The following TOPAZ1 variants were observed in gnomAD, a reference collection of about 807,000 sequenced individuals.
TOPAZ1 encodes testis and ovary specific TOPAZ 1, also known as protein TOPAZ1.
TOPAZ1 carries 66 observed loss-of-function variants against 172.2 expected under a neutral mutation model. That is an observed-to-expected ratio of 0.38 (90% CI 0.31 to 0.47). TOPAZ1 has a LOEUF of 0.47. Among genes scored for constraint, TOPAZ1 ranks in the 20% least tolerant of loss-of-function variants. The probability of loss-of-function intolerance (pLI) is 0.99; values close to 1 mark genes in which losing one functional copy is unlikely to be tolerated. For synonymous variants in TOPAZ1, 681 were observed against 683.9 expected (o/e 1.00, Z 0.07); for missense variants, 1,822 against 1,972.4 (o/e 0.92, Z 1.44).
intron 4 of TOPAZ1, among the ~76,000 whole-genome samples, chr3:44,260,979 T>C (rs1036438972): frequency 6.3e-5 from 8 of 126,232 alleles, no homozygotes; most frequent in Non-Finnish European, 7.0e-5. Context: ...CTGTTTCTTT[T>C]TTTTTGTTTC....
intron 2 of TOPAZ1, among the ~76,000 whole-genome samples, chr3:44,246,260 G>C (rs1699565572): frequency 7.6e-6 from 1 of 131,868 alleles, no homozygotes; most frequent in Non-Finnish European, 1.7e-5. Flanking sequence ...TATTCTGTTT[G>C]GCCCCAAATT....
intron 16 of TOPAZ1, among the ~76,000 whole-genome samples, chr3:44,319,253 C>G (rs1011073291): frequency 2.6e-5 from 4 of 152,070 alleles, no homozygotes; most frequent in Non-Finnish European, 4.4e-5. Context: ...AAACAAAAAC[C>G]CAGACAGGGA....
chr3:44,305,642 T>A (rs1205396411), intron 14 of TOPAZ1, among the ~76,000 whole-genome samples: 1 of 152,008 alleles, frequency 6.6e-6, no homozygotes, highest in African/African-American at 2.4e-5. Flanking sequence ...AGCACTGGTA[T>A]TACAGACATA....
intron 12 of TOPAZ1, among the ~76,000 whole-genome samples, chr3:44,302,503 G>T (rs1375512498): frequency 1.3e-5 from 2 of 152,158 alleles, no homozygotes; most frequent in Non-Finnish European, 2.9e-5. Flanking sequence ...ATACAATGGG[G>T]TCTGTTTCTT....
chr3:44,330,626 C>T (rs1038902208), intron 19 of TOPAZ1, among the ~76,000 whole-genome samples: 2 of 152,136 alleles, frequency 1.3e-5, no homozygotes, highest in African/African-American at 4.8e-5. Context: ...AGTGCAAGTC[C>T]TCACTCCTGT....
chr3:44,274,406 A>AAAAAGAAAAGAAAAG (rs141902868), intron 8 of TOPAZ1, among the ~76,000 whole-genome samples: 2 of 149,458 alleles, frequency 1.3e-5, no homozygotes, highest in African/African-American at 5.0e-5. Context: ...CTCTCAAAAA[A>AAAAAGAAAAGAAAAG]AAAAGAAAAG....
intron 3 of TOPAZ1, among the ~76,000 whole-genome samples, chr3:44,255,708 CACACACACACACAT>C (rs770448357): frequency 0.031 from 3,621 of 118,442 alleles, 210 homozygotes; most frequent in Admixed American, 0.066. Context: ...CACACACACA[CACACACACACACAT>C]ATATATATGG....
rs148288013 is a variant in TOPAZ1, at chr3:44,327,820, C to T, written c.4676-430C>T. Among the ~76,000 whole-genome samples, 968 of 152,212 alleles carry T rather than the reference C, an allele frequency of 6.4e-3. 4 individuals carry two copies. Among genetic ancestry groups the T allele is most frequent in the Middle Eastern group, 0.02 (6 of 294 alleles). On this transcript the variant is annotated intron_variant, in intron 18 of 19. Coordinates refer to ENST00000309765, the MANE Select transcript of TOPAZ1 (RefSeq NM_001145030.2). ...AGTACAGTGGCACAATCTCGGCTCA[C>T]TGCAGCCTCTGCCTCCCAGGTTCAA...
At chr3:44,313,328 C>CG (rs971515763) in intron 16 of TOPAZ1, among the ~76,000 whole-genome samples, 3 of 151,922 alleles carry the variant, frequency 2.0e-5, no homozygotes, top group African/African-American at 4.8e-5. Flanking sequence ...AAAGCTCCCC[C>CG]GGGCCAGGTG....
intron 12 of TOPAZ1, among the ~76,000 whole-genome samples, chr3:44,294,494 C>T (rs531652738): frequency 6.3e-4 from 96 of 152,132 alleles, no homozygotes; most frequent in Non-Finnish European, 1.2e-3. Flanking sequence ...CTGCACTAGG[C>T]AATTATTTTT....
chr3:44,246,794 A>G (rs966823359), intron 2 of TOPAZ1, among the ~76,000 whole-genome samples: 1 of 152,172 alleles, frequency 6.6e-6, no homozygotes, highest in African/African-American at 2.4e-5. Context: ...ATCTTTCTGT[A>G]AAAAGGGAAA....
In TOPAZ1 at chr3:44,243,485, G is replaced by C. The variant is rs1437701030; in HGVS notation, c.979G>C (p.Gly327Arg). The C allele has an allele frequency of 4.5e-6, 7 of 1,551,666 alleles. No homozygotes were observed. The South Asian group carries it at 7.1e-5, about 16-fold the overall frequency. Residue 327 changes from glycine to arginine, a missense_variant, in exon 2 of 20, where the codon GGG becomes CGG. Coordinates refer to ENST00000309765, the MANE Select transcript of TOPAZ1 (RefSeq NM_001145030.2). ...ATATTCAATAGAGGAGAGCAGTGTT[G>C]GGCGAAAACCCAGGAAAAGGATGAA... ...NKYSIEESSV[G>R]RKPRKRMKLS...
chr3:44,306,085 T>G (rs1306914567), intron 14 of TOPAZ1, among the ~76,000 whole-genome samples: 2 of 152,214 alleles, frequency 1.3e-5, no homozygotes, highest in Admixed American at 6.5e-5. Flanking sequence ...AAAAGCCGGA[T>G]AGTAAATATT....
Position 44,244,335 on chromosome 3 carries a change from C to T in TOPAZ1, c.1829C>T (p.Ser610Phe), listed in dbSNP as rs1408809378. The T allele has an allele frequency of 1.3e-6, 2 of 1,550,470 alleles. No individual in the cohort carries two copies. Among genetic ancestry groups the T allele is most frequent in the South Asian group, 2.4e-5 (2 of 83,658 alleles). The change falls in exon 2 of 20, where the codon TCT becomes TTT. Residue 610 changes from serine to phenylalanine, a missense_variant. By Grantham distance (155) the Ser-to-Phe change is radical (BLOSUM62 -2). Coordinates refer to ENST00000309765, the MANE Select transcript of TOPAZ1 (RefSeq NM_001145030.2). ...AGCAGAAGAGGGTCAGAGGTAATTT[C>T]TAACACTACTGAAGATACTCAATTA... The part of the protein sequence containing the change: ...ELSRRGSEVI[S>F]NTTEDTQLTS...
In TOPAZ1 at chr3:44,243,238, G is replaced by A; in HGVS notation, c.732G>A (p.Leu244=). 2 of 1,550,572 alleles carry A rather than the reference G, an allele frequency of 1.3e-6. No individual in the cohort carries two copies. The highest frequency in any genetic ancestry group is 1.7e-6 in the Non-Finnish European group (2 of 1,146,760). ...AGGGTTGTAATGATGAAAACAACCT[G>A]CCATATAAACCTGATGGTGGATGTA... is the stretch of plus-strand genomic sequence containing the variant. The part of the protein sequence containing the change: ...HSKGCNDENN[L]PYKPDGGCMH... The change falls in exon 2 of 20, where the codon CTG becomes CTA. Residue 244 remains leucine (L), a synonymous_variant. Transcript: ENST00000309765.
At chr3:44,254,938 A>G (rs1482822919) in intron 2 of TOPAZ1, 30 bp from the exon 3 acceptor site, 2 of 1,495,122 alleles carry the variant, frequency 1.3e-6, no homozygotes, top group Non-Finnish European at 1.8e-6. Flanking sequence ...AATCTATTAT[A>G]ATGTTTAAGC....
downstream of TOPAZ1, among the ~76,000 whole-genome samples, chr3:44,336,379 AC>A (rs1700726620): frequency 6.6e-6 from 1 of 152,244 alleles, no homozygotes; most frequent in African/African-American, 2.4e-5. Context: ...AAAATGGAGG[AC>A]TGGCACATTG....
rs544730826 is a variant in TOPAZ1 at position 44,314,045 on chromosome 3, A to G, written c.4306+4055A>G. On this transcript the variant is annotated intron_variant, in intron 16 of 19. Coordinates refer to ENST00000309765, the MANE Select transcript of TOPAZ1 (RefSeq NM_001145030.2). The stretch of plus-strand genomic sequence containing the variant: ...CAGCTTTACTTTGCATTTTTATATT[A>G]TTTATTTTTTTTGAGACGGAGTCTC... 8.4e-4 allele frequency among the ~76,000 whole-genome samples: 127 copies of G among 152,078 alleles called. 1 individual carries two copies. The Middle Eastern group carries it at 0.014, about 16-fold the overall frequency.
rs1290901989 is a variant in TOPAZ1, at chr3:44,244,100, C to T, written c.1594C>T (p.Pro532Ser). 5.8e-6 allele frequency: 9 copies of T among 1,551,460 alleles called. No individual in the cohort carries two copies. In the Admixed American group the frequency reaches 1.8e-4, roughly 30 times the overall value. The part of the protein sequence containing the change: ...SQESCRQVDV[P>S]KHQTNQTHLT... ...GGAAAGTTGTAGGCAAGTTGATGTCCCTAAACACCAAACAAACCAGACCCA... is the reference window on the plus strand; with the variant it reads ...GGAAAGTTGTAGGCAAGTTGATGTCTCTAAACACCAAACAAACCAGACCCA... Residue 532 changes from proline to serine, a missense_variant, in exon 2 of 20, where the codon CCT (proline) becomes TCT (serine). Physicochemically the swap from Pro to Ser is moderately conservative, Grantham distance 74. Transcript: ENST00000309765.
Sources: gnomAD v4.1 joint callset for allele counts (sites outside exome capture counted in the v4.1 genomes callset) on GRCh38, gnomAD v4.1.1 for gene constraint, MANE v1.5 for transcripts, NCBI Gene and HGNC (gene_info 2026-07-23, HGNC 2026-07-21) for gene names.